Variants in TMPRSS12 observed in about 807,000 individuals in gnomAD.
The protein encoded by TMPRSS12 is transmembrane protease serine 12.
In TMPRSS12, 25 loss-of-function variants were observed where a neutral mutation model predicts 26.0. The observed-to-expected ratio is 0.96, with a 90% CI of 0.70 to 1.34. The LOEUF (loss-of-function observed/expected upper bound fraction) is 1.34, where lower values mean the gene tolerates loss of function less well. Ranked by LOEUF, TMPRSS12 falls within the 40% of genes most tolerant of loss-of-function variation. The pLI is 0.00. For missense variants in TMPRSS12, 441 were observed against 440.1 expected (o/e 1.00, Z -0.02); for synonymous variants, 150 against 161.7 (o/e 0.93, Z 0.55).
chr12:50,847,159 G>C (rs890283414), intron 2 of TMPRSS12, among the ~76,000 whole-genome samples: 1 of 149,420 alleles, frequency 6.7e-6, no homozygotes, highest in African/African-American at 2.5e-5. Flanking sequence ...CCCGGGTTCA[G>C]GCCATTCTCC....
intron 2 of TMPRSS12, among the ~76,000 whole-genome samples, chr12:50,849,777 G>A (rs1398086302): frequency 6.6e-6 from 1 of 151,294 alleles, no homozygotes; most frequent in African/African-American, 2.4e-5. Context: ...TTAACATGTA[G>A]TAAAATTCAT....
chr12:50,885,572 T>A, intron 4 of TMPRSS12, 184 bp downstream of exon 4: 1 of 730,016 alleles, frequency 1.4e-6, no homozygotes, highest in Non-Finnish European at 2.3e-6. Context: ...TGGTTTCTGC[T>A]GTCATCAGTA....
intron 3 of TMPRSS12, among the ~76,000 whole-genome samples, chr12:50,870,009 G>C (rs1938027050): frequency 6.6e-6 from 1 of 152,160 alleles, no homozygotes; most frequent in South Asian, 2.1e-4. Context: ...CTTGAACCCA[G>C]GAGGCGGAGG....
chr12:50,863,892 C>T (rs1259586892), intron 3 of TMPRSS12, among the ~76,000 whole-genome samples: 2 of 152,146 alleles, frequency 1.3e-5, no homozygotes, highest in Non-Finnish European at 1.5e-5. Context: ...ATTTCAGTGA[C>T]AGAGATGTAA....
At chr12:50,872,952 C>T (rs564661927) in intron 3 of TMPRSS12, among the ~76,000 whole-genome samples, 13 of 145,390 alleles carry the variant, frequency 8.9e-5, no homozygotes, top group African/African-American at 2.8e-4. Flanking sequence ...ATATATATGA[C>T]GTATATATAT....
In TMPRSS12 at chr12:50,843,060, C is replaced by T; in HGVS notation, c.96C>T (p.Gly32=). 6.3e-7 allele frequency: 1 copy of T among 1,596,276 alleles called. No homozygotes were observed. The highest frequency in any genetic ancestry group is 8.5e-7 in the Non-Finnish European group (1 of 1,171,980). Residue 32 remains glycine, a synonymous_variant, in exon 1 of 5, where the codon GGC becomes GGT. Transcript: ENST00000398458. The part of the protein sequence containing the change: ...HYSPSGRHRL[G]PSPEPAASSQ... ...CGCCCTCTGGAAGGCACAGGCTCGG[C>T]CCCTCGCCGGAACCGGCGGCTAGTT...
chr12:50,875,710 T>A (rs1004025341), intron 3 of TMPRSS12, among the ~76,000 whole-genome samples: 30 of 152,162 alleles, frequency 2.0e-4, no homozygotes, highest in African/African-American at 7.2e-4. Context: ...TGCAGAAGAA[T>A]GAAACCAGAC....
intron 3 of TMPRSS12, among the ~76,000 whole-genome samples, chr12:50,859,901 T>G (rs1451171021): frequency 6.6e-6 from 1 of 152,238 alleles, no homozygotes; most frequent in Non-Finnish European, 1.5e-5. Flanking sequence ...TGCCTGACTG[T>G]GTTTCACTCT....
intron 2 of TMPRSS12, among the ~76,000 whole-genome samples, chr12:50,850,631 T>C (rs990385651): frequency 1.3e-5 from 2 of 152,172 alleles, no homozygotes; most frequent in Non-Finnish European, 2.9e-5. Flanking sequence ...GACCCTGCCA[T>C]GCCTGTGCCC....
chr12:50,878,339 G>C (rs939529161), intron 3 of TMPRSS12, among the ~76,000 whole-genome samples: 5 of 152,088 alleles, frequency 3.3e-5, no homozygotes, highest in African/African-American at 1.2e-4. Flanking sequence ...CCAGCATTTT[G>C]GGAGACCAAG....
intron 2 of TMPRSS12, among the ~76,000 whole-genome samples, chr12:50,846,924 CTTAT>C (rs746168293): frequency 1.2e-4 from 18 of 151,124 alleles, no homozygotes; most frequent in Non-Finnish European, 2.1e-4. Context: ...CAACTTTGTT[CTTAT>C]TTTTCAAGAT....
intron 3 of TMPRSS12, among the ~76,000 whole-genome samples, chr12:50,879,162 C>G (rs1938140922): frequency 6.6e-6 from 1 of 152,114 alleles, no homozygotes; most frequent in Non-Finnish European, 1.5e-5. Context: ...ATAATTAACT[C>G]AAAATGGATC....
chr12:50,860,759 G>A (rs564325278), intron 3 of TMPRSS12, among the ~76,000 whole-genome samples: 2 of 152,232 alleles, frequency 1.3e-5, no homozygotes, highest in South Asian at 4.2e-4. Context: ...ACAGGCATGT[G>A]CCACCATGCC....
Position 50,843,935 on chromosome 12 carries a change from G to C in TMPRSS12, c.281G>C (p.Ser94Thr). The change falls in exon 2 of 5, where the codon AGC becomes ACC. Residue 94 changes from serine (S) to threonine (T), a missense_variant. Coordinates refer to ENST00000398458, the MANE Select transcript of TMPRSS12 (RefSeq NM_182559.3). ...GCTGGCGCATGGCCGTGGGTGGTGAGCCTGCAGATTAAATATGGCCGTGTT... is the reference window on the plus strand; with the variant it reads ...GCTGGCGCATGGCCGTGGGTGGTGACCCTGCAGATTAAATATGGCCGTGTT... ...AQAGAWPWVVSLQIKYGRVLV... is the reference protein window; with the variant it reads ...AQAGAWPWVVTLQIKYGRVLV... The C allele has an allele frequency of 6.3e-7, 1 of 1,595,700 alleles. No homozygotes were observed.
At chr12:50,882,853 C>G (rs1477661245) in intron 3 of TMPRSS12, among the ~76,000 whole-genome samples, 1 of 152,148 alleles carries the variant, frequency 6.6e-6, no homozygotes, top group Non-Finnish European at 1.5e-5. Context: ...TCATCTAAAT[C>G]CTATACATAC....
chr12:50,857,031 G>T (rs1384804704), intron 2 of TMPRSS12, among the ~76,000 whole-genome samples: 1 of 151,894 alleles, frequency 6.6e-6, no homozygotes, highest in East Asian at 1.9e-4. Flanking sequence ...ACAGAAATGA[G>T]AAAAAAATAA....
In TMPRSS12 at chr12:50,854,822, A is replaced by G. The variant is rs541353165; in HGVS notation, c.384-3963A>G. On this transcript the variant is annotated intron_variant, in intron 2 of 4. Transcript: ENST00000398458. The stretch of plus-strand genomic sequence containing the variant: ...CTGAAAGAAATCATAGATGATAAAA[A>G]CAAATGGAGAAACATTCCATGCTCA... 2.4e-4 allele frequency among the ~76,000 whole-genome samples: 37 copies of G among 152,358 alleles called. No homozygotes were observed. In the South Asian group the frequency reaches 7.0e-3, roughly 29 times the overall value.
intron 2 of TMPRSS12, among the ~76,000 whole-genome samples, chr12:50,852,421 A>AT (rs1175390947): frequency 1.3e-5 from 2 of 152,118 alleles, no homozygotes; most frequent in African/African-American, 2.4e-5. Context: ...GACTTTATTT[A>AT]TTTTTTTGAG....
At chr12:50,868,589 T>C (rs1191047393) in intron 3 of TMPRSS12, among the ~76,000 whole-genome samples, 4 of 152,118 alleles carry the variant, frequency 2.6e-5, no homozygotes, top group Non-Finnish European at 2.9e-5. Flanking sequence ...AGATAGGTCA[T>C]CAAGACAGAA....
Sources: allele counts gnomAD v4.1 joint callset (sites outside exome capture counted in the v4.1 genomes callset), GRCh38; gene constraint gnomAD v4.1.1; transcripts MANE v1.5; gene names NCBI Gene and HGNC (gene_info 2026-07-23, HGNC 2026-07-21).